LMBRD1: variants seen among roughly 807,000 people sequenced by gnomAD.
LMBRD1 encodes the protein lysosomal cobalamin transport escort protein LMBD1.
LMBRD1 carries 64 observed loss-of-function variants against 74.8 expected under a neutral mutation model. The observed-to-expected ratio is 0.86, with a 90% confidence interval of 0.70 to 1.05. LMBRD1 has a LOEUF of 1.05. LMBRD1 is among the 50% of genes least tolerant of loss of function. The pLI, the probability that LMBRD1 is intolerant of heterozygous loss-of-function variation, is 0.00. For synonymous variants in LMBRD1, 204 were observed against 216.3 expected (o/e 0.94, Z 0.50); for missense variants, 652 against 645.9 (o/e 1.01, Z -0.10).
Position 69,674,542 on chromosome 6 carries a change from C to G in LMBRD1, c.*1616G>C, listed in dbSNP as rs1303534895. 6.6e-6 allele frequency among the ~76,000 whole-genome samples: 1 copy of G among 152,076 alleles called. No homozygotes were observed. The highest frequency in any genetic ancestry group is 2.4e-5 in the African/African-American group (1 of 41,408). ...ATGCAGAAGAAGGCTTAGTTTGCCC[C>G]CACAAAAGTGAATACTTCAATTTTC... On this transcript the variant is annotated 3_prime_UTR_variant, in exon 16 of 16. Coordinates refer to ENST00000649934, the MANE Select transcript of LMBRD1 (RefSeq NM_018368.4).
Position 69,674,279 on chromosome 6 carries a change from A to C in LMBRD1, c.*1879T>G, listed in dbSNP as rs537800307. Among the ~76,000 whole-genome samples the C allele has an allele frequency of 6.6e-6, 1 of 152,316 alleles. No individual in the cohort carries two copies. Among genetic ancestry groups the C allele is most frequent in the East Asian group, 1.9e-4 (1 of 5,190 alleles). ...TACTTTTAAAAGGCCCTATCTCCAC[A>C]TAAAGTATTATTCTATGAAGTACCA... On this transcript the variant is annotated 3_prime_UTR_variant, in exon 16 of 16. Transcript: ENST00000649934.
intron 2 of LMBRD1, among the ~76,000 whole-genome samples, chr6:69,785,024 T>C (rs1206878520): frequency 6.6e-6 from 1 of 152,144 alleles, no homozygotes; most frequent in Non-Finnish European, 1.5e-5. Flanking sequence ...TGTCCATATC[T>C]AACCCACTCA....
At chr6:69,766,894 C>T (rs1765484778) in intron 3 of LMBRD1, among the ~76,000 whole-genome samples, 1 of 151,640 alleles carries the variant, frequency 6.6e-6, no homozygotes, top group Non-Finnish European at 1.5e-5. Flanking sequence ...AATTCAACTT[C>T]TATGCTTGCT....
chr6:69,743,754 T>C (rs1016758680), intron 5 of LMBRD1, among the ~76,000 whole-genome samples: 2 of 152,186 alleles, frequency 1.3e-5, no homozygotes, highest in South Asian at 2.1e-4. Flanking sequence ...ACTCAAAATA[T>C]GGCAAAGGCA....
At chr6:69,710,094 A>T (rs1766350877) in intron 9 of LMBRD1, among the ~76,000 whole-genome samples, 1 of 150,260 alleles carries the variant, frequency 6.7e-6, no homozygotes. Context: ...TGAATAATTT[A>T]TACTACCTAA....
At chr6:69,778,271 G>A (rs1239218418) in intron 3 of LMBRD1, among the ~76,000 whole-genome samples, 1 of 152,130 alleles carries the variant, frequency 6.6e-6, no homozygotes, top group Non-Finnish European at 1.5e-5. Context: ...CAAGCCTTAA[G>A]TCCCAAGACA....
chr6:69,776,299 A>G lies in LMBRD1; in HGVS notation c.307+4195T>C, dbSNP rs1411429602. On this transcript the variant is annotated intron_variant, in intron 3 of 15. Transcript: ENST00000649934. The stretch of plus-strand genomic sequence containing the variant: ...TTAAAAGTAGTTAACACTCCTAAAC[A>G]ATTTCATTGAGGAAGATGACTAAAA... Among the ~76,000 whole-genome samples the G allele has an allele frequency of 2.6e-5, 4 of 152,246 alleles. No individual in the cohort carries two copies. The East Asian group carries it at 7.7e-4, about 29-fold the overall frequency.
At chr6:69,776,462 T>A (rs1028325024) in intron 3 of LMBRD1, among the ~76,000 whole-genome samples, 8 of 152,328 alleles carry the variant, frequency 5.3e-5, no homozygotes, top group Admixed American at 5.2e-4. Context: ...AGTAACTCTA[T>A]GAAGGAAAAT....
At chr6:69,726,644 A>G (rs950529905) in intron 7 of LMBRD1, among the ~76,000 whole-genome samples, 1 of 152,178 alleles carries the variant, frequency 6.6e-6, no homozygotes, top group Non-Finnish European at 1.5e-5. Context: ...CAAACATCAC[A>G]TGTTCTGACT....
chr6:69,727,062 G>C (rs1766752490), intron 7 of LMBRD1, among the ~76,000 whole-genome samples: 1 of 152,162 alleles, frequency 6.6e-6, no homozygotes, highest in East Asian at 1.9e-4. Context: ...GGCTGAGGCA[G>C]GAGACGGAAT....
intron 4 of LMBRD1, among the ~76,000 whole-genome samples, chr6:69,751,702 G>A (rs1327495002): frequency 6.6e-6 from 1 of 152,158 alleles, no homozygotes; most frequent in Admixed American, 6.5e-5. Context: ...TTTGAACAGG[G>A]GCCAGCAAAC....
chr6:69,692,571 TATG>T (rs1197340496), intron 14 of LMBRD1, among the ~76,000 whole-genome samples: 1 of 152,206 alleles, frequency 6.6e-6, no homozygotes, highest in Non-Finnish European at 1.5e-5. Flanking sequence ...CATTCATTGC[TATG>T]ATAACATACC....
At chr6:69,752,466 T>C in intron 3 of LMBRD1, 110 bp from the exon 4 acceptor site, 2 of 856,778 alleles carry the variant, frequency 2.3e-6, no homozygotes, top group Non-Finnish European at 3.7e-6. Context: ...CCCTATCTGA[T>C]TCCCTCTTCT....
chr6:69,714,287 C>A (rs1328853840), intron 8 of LMBRD1, among the ~76,000 whole-genome samples: 1 of 151,916 alleles, frequency 6.6e-6, no homozygotes, highest in Non-Finnish European at 1.5e-5. Flanking sequence ...AGATGGCATA[C>A]AGAGGTTTTT....
intron 6 of LMBRD1, among the ~76,000 whole-genome samples, chr6:69,739,845 T>C (rs575642778): frequency 2.0e-5 from 3 of 152,332 alleles, no homozygotes; most frequent in East Asian, 1.9e-4. Flanking sequence ...CAGTGGCTCA[T>C]GCCTGTAATC....
intron 3 of LMBRD1, among the ~76,000 whole-genome samples, chr6:69,767,622 T>A (rs1179708725): frequency 6.6e-6 from 1 of 151,958 alleles, no homozygotes; most frequent in Non-Finnish European, 1.5e-5. Context: ...TATCATATAG[T>A]CTATACTGAA....
intron 3 of LMBRD1, among the ~76,000 whole-genome samples, chr6:69,758,313 G>A (rs921270216): frequency 2.6e-5 from 4 of 152,128 alleles, no homozygotes; most frequent in Admixed American, 6.6e-5. Flanking sequence ...TTTTGTTTTA[G>A]AGGTCAAAGT....
chr6:69,772,514 T>C (rs976044378), intron 3 of LMBRD1, among the ~76,000 whole-genome samples: 2 of 152,174 alleles, frequency 1.3e-5, no homozygotes, highest in Non-Finnish European at 2.9e-5. Flanking sequence ...ACTTGCTTTC[T>C]TAGTATTTCC....
rs530303934 is a variant in LMBRD1 at position 69,683,650 on chromosome 6, CA to C, written c.1418-7110del. ...ATTAGAAATGTATAGTATTTAACCACAAAAAAAATTTTAACCTGTTGAAAAC... is the reference window on the plus strand; with the variant it reads ...ATTAGAAATGTATAGTATTTAACCACAAAAAAATTTTAACCTGTTGAAAAC... On this transcript the variant is annotated intron_variant, in intron 14 of 15. Coordinates refer to ENST00000649934, the MANE Select transcript of LMBRD1 (RefSeq NM_018368.4). Among the ~76,000 whole-genome samples the C allele has an allele frequency of 9.2e-5, 14 of 151,610 alleles. No individual in the cohort carries two copies. The South Asian group carries it at 1.7e-3, about 18-fold the overall frequency.
Sources: gnomAD v4.1 joint callset for allele counts (sites outside exome capture counted in the v4.1 genomes callset) on GRCh38, gnomAD v4.1.1 for gene constraint, MANE v1.5 for transcripts, NCBI Gene and HGNC (gene_info 2026-07-23, HGNC 2026-07-21) for gene names.